Variants in IGSF11 observed in about 807,000 individuals in gnomAD.
The protein encoded by IGSF11 is CXADR like 1.
In IGSF11, 22 loss-of-function variants were observed where a neutral mutation model predicts 41.0. The observed-to-expected ratio is 0.54, with a 90% CI of 0.38 to 0.77. The LOEUF (loss-of-function observed/expected upper bound fraction) is 0.77. Among genes scored for constraint, IGSF11 ranks in the 30% least tolerant of loss-of-function variants. The probability of loss-of-function intolerance (pLI) is 0.00; values close to 1 mark genes in which losing one functional copy is unlikely to be tolerated. For missense variants in IGSF11, 444 were observed against 530.8 expected, an observed-to-expected ratio of 0.84 and a Z score of 1.61; for synonymous variants, 219 against 201.3, an observed-to-expected ratio of 1.09 and a Z score of -0.74.
intron 1 of IGSF11, among the ~76,000 whole-genome samples, chr3:119,069,647 A>G (rs1246983652): frequency 6.6e-6 from 1 of 152,190 alleles, no homozygotes; most frequent in East Asian, 1.9e-4. Context: ...TAGAAATTCA[A>G]AAACCAACTT....
chr3:119,119,345 CAA>C (rs1342585469), intron 1 of IGSF11, among the ~76,000 whole-genome samples: 1 of 152,168 alleles, frequency 6.6e-6, no homozygotes, highest in Non-Finnish European at 1.5e-5. Context: ...TGGCAGCAGT[CAA>C]AGAGAGCTTG....
At position 118,981,377 on chromosome 3, in the gene IGSF11, T is replaced by G. The variant is rs1228073531; in HGVS notation, c.53-51102A>C. 2.0e-5 allele frequency among the ~76,000 whole-genome samples: 3 copies of G among 152,192 alleles called. No homozygotes were observed. In the East Asian group the frequency reaches 5.8e-4, roughly 29 times the overall value. On this transcript the variant is annotated intron_variant, in intron 1 of 6. Coordinates refer to ENST00000393775, the MANE Select transcript of IGSF11 (RefSeq NM_001015887.3). ...TAGTAGAGATGGGGTTTCACCATGT[T>G]GGCTCAAACTCCTGACCTCAAGTGA...
chr3:119,048,393 TC>T (rs1941463634), intron 1 of IGSF11, among the ~76,000 whole-genome samples: 2 of 151,936 alleles, frequency 1.3e-5, no homozygotes, highest in Middle Eastern at 3.4e-3. Flanking sequence ...AACTAGAAAA[TC>T]TAGAAGAAAT....
intron 1 of IGSF11, among the ~76,000 whole-genome samples, chr3:119,122,560 A>C (rs1327188800): frequency 6.6e-6 from 1 of 152,210 alleles, no homozygotes; most frequent in East Asian, 1.9e-4. Flanking sequence ...CCTTACTATC[A>C]GCCAGGGCAG....
intron 1 of IGSF11, among the ~76,000 whole-genome samples, chr3:119,084,343 G>A (rs2076635576): frequency 6.6e-6 from 1 of 152,124 alleles, no homozygotes; most frequent in Non-Finnish European, 1.5e-5. Context: ...ACTGCACTTA[G>A]GGAAAGGGTG....
intron 1 of IGSF11, among the ~76,000 whole-genome samples, chr3:119,118,156 C>T (rs893302025): frequency 6.6e-6 from 1 of 152,208 alleles, no homozygotes; most frequent in Non-Finnish European, 1.5e-5. Flanking sequence ...CTCCACTTGG[C>T]AGTGCCCCAG....
At chr3:119,056,458 T>C (rs550202614) in intron 1 of IGSF11, among the ~76,000 whole-genome samples, 1 of 152,220 alleles carries the variant, frequency 6.6e-6, no homozygotes, top group South Asian at 2.1e-4. Context: ...AATAACAGGA[T>C]GTGAAATTGA....
chr3:119,141,826 C>A (rs943400303), intron 1 of IGSF11, among the ~76,000 whole-genome samples: 2 of 151,766 alleles, frequency 1.3e-5, no homozygotes, highest in Non-Finnish European at 2.9e-5. Context: ...ACTCTCAGGA[C>A]GGAAAAGTGG....
At chr3:119,139,143 C>T (rs1370473936) in intron 1 of IGSF11, among the ~76,000 whole-genome samples, 2 of 151,856 alleles carry the variant, frequency 1.3e-5, no homozygotes, top group African/African-American at 2.4e-5. Context: ...GATATATACA[C>T]CTACTATATA....
chr3:119,057,041 C>T (rs1324240082), intron 1 of IGSF11, among the ~76,000 whole-genome samples: 2 of 152,128 alleles, frequency 1.3e-5, no homozygotes, highest in East Asian at 3.9e-4. Flanking sequence ...AAACTGGAAG[C>T]ATTCCCTTTG....
chr3:118,936,378 G>A (rs967190545), intron 1 of IGSF11, among the ~76,000 whole-genome samples: 1 of 151,684 alleles, frequency 6.6e-6, no homozygotes, highest in African/African-American at 2.4e-5. Context: ...GTGGTGGCAG[G>A]TGCCTGTAGT....
intron 1 of IGSF11, among the ~76,000 whole-genome samples, chr3:119,010,029 TAAAC>T (rs1937916203): frequency 6.6e-6 from 1 of 151,976 alleles, no homozygotes; most frequent in Non-Finnish European, 1.5e-5. Flanking sequence ...AGAAGCATAA[TAAAC>T]AAAAAAGGGA....
chr3:118,919,160 A>G (rs1281049728), intron 4 of IGSF11, among the ~76,000 whole-genome samples: 1 of 137,506 alleles, frequency 7.3e-6, no homozygotes. Flanking sequence ...AAAACCCTAG[A>G]AGAAAACCTA....
intron 1 of IGSF11, among the ~76,000 whole-genome samples, chr3:119,078,876 A>G (rs1285159627): frequency 6.6e-6 from 1 of 152,170 alleles, no homozygotes; most frequent in Admixed American, 6.5e-5. Flanking sequence ...ACAAGCAAAA[A>G]ACAAATAACC....
intron 1 of IGSF11, among the ~76,000 whole-genome samples, chr3:119,076,498 T>C (rs1021332196): frequency 8.5e-5 from 13 of 152,066 alleles, no homozygotes; most frequent in African/African-American, 2.9e-4. Flanking sequence ...GAGAAAATTT[T>C]TGCAATCTAC....
chr3:119,021,784 T>C (rs1158236036), intron 1 of IGSF11, among the ~76,000 whole-genome samples: 2 of 152,116 alleles, frequency 1.3e-5, no homozygotes, highest in African/African-American at 4.8e-5. Flanking sequence ...AAAAAATTTA[T>C]AGTCAAGACA....
At chr3:119,037,931 T>G (rs557914534), upstream of IGSF11, among the ~76,000 whole-genome samples, 2 of 152,142 alleles carry the variant, frequency 1.3e-5, no homozygotes, top group South Asian at 4.1e-4. Context: ...GCATTTAAGT[T>G]TTGGTCTGTA....
chr3:119,004,071 C>A (rs921855858), intron 1 of IGSF11, among the ~76,000 whole-genome samples: 15 of 151,380 alleles, frequency 9.9e-5, no homozygotes, highest in African/African-American at 2.9e-4. Context: ...TGGTAGAATT[C>A]GGCTGTGAAT....
intron 1 of IGSF11, among the ~76,000 whole-genome samples, chr3:118,938,453 T>C (rs748157999): frequency 1.3e-5 from 2 of 152,316 alleles, no homozygotes; most frequent in Non-Finnish European, 2.9e-5. Context: ...CTGACTCCTG[T>C]GGGCATTTAT....
Sources: gnomAD v4.1 joint callset for allele counts (sites outside exome capture counted in the v4.1 genomes callset) on GRCh38, gnomAD v4.1.1 for gene constraint, MANE v1.5 for transcripts, NCBI Gene and HGNC (gene_info 2026-07-23, HGNC 2026-07-21) for gene names.